The following VENTX variants were observed in gnomAD, a reference collection of about 807,000 sequenced individuals.
The protein encoded by VENTX is homeobox protein VENTX.
A neutral mutation model predicts 10.5 loss-of-function variants in VENTX; 13 were observed. The ratio of observed to expected loss-of-function variants is 1.23; its 90% confidence interval spans 0.80 to 1.96. The LOEUF is 1.96. Among genes scored for constraint, VENTX ranks in the 30% most tolerant of loss-of-function variants. The probability of loss-of-function intolerance (pLI) is 0.00; values close to 1 mark genes in which losing one functional copy is unlikely to be tolerated. For missense variants in VENTX, 400 were observed against 341.8 expected, an observed-to-expected ratio of 1.17 and a Z score of -1.34; for synonymous variants, 177 against 150.4, an observed-to-expected ratio of 1.18 and a Z score of -1.29.
chr10:133,239,413 G>A (rs1845896627), intron 1 of VENTX, among the ~76,000 whole-genome samples: 1 of 152,236 alleles, frequency 6.6e-6, no homozygotes, highest in Non-Finnish European at 1.5e-5. Flanking sequence ...TGGAAGGGAA[G>A]TGTGGGATGG....
chr10:133,238,116 G>A lies in VENTX; in HGVS notation c.202G>A (p.Gly68Arg), dbSNP rs755576661. The A allele has an allele frequency of 1.9e-6, 3 of 1,603,632 alleles. No homozygotes were observed. Among genetic ancestry groups the A allele is most frequent in the Admixed American group, 1.7e-5 (1 of 58,928 alleles). Residue 68 changes from glycine to arginine, a missense_variant, in exon 1 of 3, where the codon GGG becomes AGG. Transcript: ENST00000325980. ...GGCCGTCAGCATCAAGGAGGCCGCC[G>A]GGTCCTCAAATCTGCCTGCGCCGGA... ...PQAVSIKEAA[G>R]SSNLPAPERT...
chr10:133,238,894 T>C (rs897859573), intron 1 of VENTX, among the ~76,000 whole-genome samples: 1 of 152,168 alleles, frequency 6.6e-6, no homozygotes, highest in Non-Finnish European at 1.5e-5. Context: ...AAAATTTAAA[T>C]GTATTCTCCC....
chr10:133,239,908 G>GTTCTGATCTTGCTT (rs1392178575), intron 2 of VENTX, 24 bp from the exon 3 acceptor site: 2 of 1,610,450 alleles, frequency 1.2e-6, no homozygotes, highest in African/African-American at 1.3e-5. Context: ...TCTCACCCCT[G>GTTCTGATCTTGCTT]TTCTGATCTT....
At position 133,240,039 on chromosome 10, in the gene VENTX, C is replaced by T. The variant is rs1282779090; in HGVS notation, c.510C>T (p.Tyr170=). 4 of 1,611,926 alleles carry T rather than the reference C, an allele frequency of 2.5e-6. No individual in the cohort carries two copies. Among genetic ancestry groups the T allele is most frequent in the Admixed American group, 3.3e-5 (2 of 60,008 alleles). The change falls in exon 3 of 3, where the codon TAC becomes TAT. Residue 170 remains tyrosine (Y), a synonymous_variant. Coordinates refer to ENST00000325980, the MANE Select transcript of VENTX (RefSeq NM_014468.4). ...CTCTCCATGCGCCCCCAGCTTTCTA[C>T]TCAACGTCTTCTGGCCTTGCCAATG... is the stretch of plus-strand genomic sequence containing the variant. ...SGSLHAPPAF[Y]STSSGLANGL...
In VENTX at chr10:133,241,736, T is replaced by C. The variant is rs1353988246; in HGVS notation, c.*1430T>C. On this transcript the variant is annotated 3_prime_UTR_variant, in exon 3 of 3. Transcript: ENST00000325980. ...GTTGTAAGTGTTTACAACTGGCATG[T>C]GCTTTTAAACGTCAGGTAAGAGGGG... 1 of 152,252 alleles carries C rather than the reference T, an allele frequency of 6.6e-6. No individual in the cohort carries two copies. Among genetic ancestry groups the C allele is most frequent in the African/African-American group, 2.4e-5 (1 of 41,464 alleles). The allele number at this position is 152,252 out of a possible 1,614,324, so 9.4% of individuals were successfully genotyped here. A position where few individuals can be genotyped will look rare whatever the true frequency, so the allele number is the denominator to read the frequency against.
Position 133,238,166 on chromosome 10 carries a change from G to GT in VENTX, c.241+12dup. ...AGAGGACCATGGCCGGTAGGTCCGG[G>GT]TGGGGGGGGTCCCTTCCTTCCCAGG... is the stretch of plus-strand genomic sequence containing the variant. On this transcript the variant is annotated intron_variant, in intron 1 of 2. Coordinates refer to ENST00000325980, the MANE Select transcript of VENTX (RefSeq NM_014468.4). 1 of 1,577,864 alleles carries GT rather than the reference G, an allele frequency of 6.3e-7. No individual in the cohort carries two copies. The highest frequency in any genetic ancestry group is 1.2e-5 in the South Asian group (1 of 86,322).
chr10:133,238,233 C>T, intron 1 of VENTX, 78 bp downstream of exon 1: 1 of 1,469,338 alleles, frequency 6.8e-7, no homozygotes, highest in Non-Finnish European at 9.0e-7. Flanking sequence ...CCGGCGGCTG[C>T]ACTCCCCGCG....
Position 133,240,405 on chromosome 10 carries a change from C to T in VENTX, c.*99C>T. The T allele has an allele frequency of 7.2e-7, 1 of 1,386,570 alleles. No homozygotes were observed. Among genetic ancestry groups the T allele is most frequent in the East Asian group, 2.5e-5 (1 of 40,244 alleles). 85.9% of individuals were successfully genotyped at this position (1,386,570 alleles called of 1,614,324 possible). A position where few individuals can be genotyped will look rare whatever the true frequency, so the allele number is the denominator to read the frequency against. On this transcript the variant is annotated 3_prime_UTR_variant, in exon 3 of 3. Coordinates refer to ENST00000325980, the MANE Select transcript of VENTX (RefSeq NM_014468.4). ...CTGTTTACATCCTGGTGGCACCTCT[C>T]ACCCTGACCCACACAAAGGTTCTGG...
chr10:133,239,808 C>T lies in VENTX; in HGVS notation c.374C>T (p.Ala125Val), dbSNP rs1845905517. The change falls in exon 2 of 3, where the codon GCC becomes GTC. Residue 125 changes from alanine (A) to valine (V), a missense_variant. Transcript: ENST00000325980. ...YLSPLERKRL[A>V]REMQLSEVQI... Reference sequence around the variant, plus strand: ...AGCCCTCTGGAGCGGAAGAGGCTGGCCAGGGAGATGCAGCTCTCAGAGGTC... The same window carrying T: ...AGCCCTCTGGAGCGGAAGAGGCTGGTCAGGGAGATGCAGCTCTCAGAGGTC... 6.2e-7 allele frequency: 1 copy of T among 1,611,502 alleles called. No individual in the cohort carries two copies. Among genetic ancestry groups the T allele is most frequent in the Non-Finnish European group, 8.5e-7 (1 of 1,179,922 alleles).
intron 1 of VENTX, 59 bp from the exon 2 acceptor site, chr10:133,239,617 G>A (rs1199928735): frequency 2.5e-6 from 4 of 1,592,928 alleles, no homozygotes; most frequent in Non-Finnish European, 3.4e-6. Flanking sequence ...TTACCCGTGG[G>A]CACGAGCTTG....
Position 133,240,036 on chromosome 10 carries a change from C to T in VENTX, c.507C>T (p.Phe169=). The change falls in exon 3 of 3, where the codon TTC becomes TTT. Residue 169 remains phenylalanine, a synonymous_variant. Transcript: ENST00000325980. The part of the protein sequence containing the change: ...FSGSLHAPPA[F]YSTSSGLANG... ...GGTCTCTCCATGCGCCCCCAGCTTTCTACTCAACGTCTTCTGGCCTTGCCA... is the reference window on the plus strand; with the variant it reads ...GGTCTCTCCATGCGCCCCCAGCTTTTTACTCAACGTCTTCTGGCCTTGCCA... 1 of 1,612,070 alleles carries T rather than the reference C, an allele frequency of 6.2e-7. No individual in the cohort carries two copies. The highest frequency in any genetic ancestry group is 8.5e-7 in the Non-Finnish European group (1 of 1,180,034).
chr10:133,239,735 G>A lies in VENTX; in HGVS notation c.301G>A (p.Glu101Lys), dbSNP rs2270192. ...CCGTGTCCGCACAGCCTTCACCATG[G>A]AGCAGGTCCGCACCTTGGAGGGCGT... ...APRVRTAFTM[E>K]QVRTLEGVFQ... is the part of the protein sequence containing the mutation. Residue 101 changes from glutamate to lysine, a missense_variant, in exon 2 of 3, where the codon GAG becomes AAG. By Grantham distance (56) the Glu-to-Lys change is moderately conservative. Transcript: ENST00000325980. 583 of 1,611,230 alleles carry A rather than the reference G, an allele frequency of 3.6e-4. 8 individuals are homozygous for A. The East Asian group carries it at 0.013, about 36-fold the overall frequency.
chr10:133,238,922 C>A (rs1845890839), intron 1 of VENTX, among the ~76,000 whole-genome samples: 1 of 152,196 alleles, frequency 6.6e-6, no homozygotes, highest in African/African-American at 2.4e-5. Context: ...CTATCCTGCC[C>A]CACCCCAAAA....
In VENTX at chr10:133,240,401, C is replaced by T. The variant is rs569932236; in HGVS notation, c.*95C>T. 4 of 1,427,480 alleles carry T rather than the reference C, an allele frequency of 2.8e-6. No homozygotes were observed. Among genetic ancestry groups the T allele is most frequent in the African/African-American group, 2.9e-5 (2 of 69,580 alleles). The allele number at this position is 1,427,480 out of a possible 1,614,324, so 88.4% of individuals were successfully genotyped here. A position where few individuals can be genotyped will look rare whatever the true frequency, so the allele number is the denominator to read the frequency against. On this transcript the variant is annotated 3_prime_UTR_variant, in exon 3 of 3. Transcript: ENST00000325980. ...TGTTCTGTTTACATCCTGGTGGCAC[C>T]TCTCACCCTGACCCACACAAAGGTT...
intron 1 of VENTX, among the ~76,000 whole-genome samples, chr10:133,239,442 G>A (rs1311666022): frequency 1.3e-5 from 2 of 152,244 alleles, no homozygotes; most frequent in Non-Finnish European, 2.9e-5. Context: ...TGAGTGGACT[G>A]AGCGGAGGGC....
rs1387905071 is a variant in VENTX, at chr10:133,237,945, C to A, written c.31C>A (p.Pro11Thr). 1.3e-6 allele frequency: 2 copies of A among 1,596,838 alleles called. No individual in the cohort carries two copies. Among genetic ancestry groups the A allele is most frequent in the Admixed American group, 3.4e-5 (2 of 59,562 alleles). The change falls in exon 1 of 3, where the codon CCG becomes ACG. Residue 11 changes from proline (P) to threonine (T), a missense_variant. Coordinates refer to ENST00000325980, the MANE Select transcript of VENTX (RefSeq NM_014468.4). MRLSSSPPRGPQQLSSFGSVD... is the reference protein window; with the variant it reads MRLSSSPPRGTQQLSSFGSVD... ...CCTCTCCTCCTCCCCACCTCGTGGCCCGCAGCAGCTCTCCAGCTTTGGCTC... is the reference window on the plus strand; with the variant it reads ...CCTCTCCTCCTCCCCACCTCGTGGCACGCAGCAGCTCTCCAGCTTTGGCTC...
In VENTX at chr10:133,241,754, AAG is replaced by A. The variant is rs753584836; in HGVS notation, c.*1451_*1452del. 3 of 152,252 alleles carry A rather than the reference AAG, an allele frequency of 2.0e-5. No homozygotes were observed. Among genetic ancestry groups the A allele is most frequent in the Non-Finnish European group, 4.4e-5 (3 of 68,040 alleles). 9.4% of individuals were successfully genotyped at this position (152,252 alleles called of 1,614,324 possible). A position where few individuals can be genotyped will look rare whatever the true frequency, so the allele number is the denominator to read the frequency against. On this transcript the variant is annotated 3_prime_UTR_variant, in exon 3 of 3. Transcript: ENST00000325980. ...TGGCATGTGCTTTTAAACGTCAGGT[AAG>A]AGGGGAACAGCTGCTGTACATCGTC...
At chr10:133,239,040 T>C (rs768689563) in intron 1 of VENTX, among the ~76,000 whole-genome samples, 3 of 152,246 alleles carry the variant, frequency 2.0e-5, no homozygotes, top group Non-Finnish European at 4.4e-5. Flanking sequence ...CAGGCTAACG[T>C]TAAGACAGAT....
chr10:133,238,859 A>C (rs1004866753), intron 1 of VENTX, among the ~76,000 whole-genome samples: 2 of 152,188 alleles, frequency 1.3e-5, no homozygotes, highest in African/African-American at 4.8e-5. Flanking sequence ...ATCCTTATGG[A>C]GTGACTTTGT....
Sources: gnomAD v4.1 joint callset for allele counts (sites outside exome capture counted in the v4.1 genomes callset) on GRCh38, gnomAD v4.1.1 for gene constraint, MANE v1.5 for transcripts, NCBI Gene and HGNC (gene_info 2026-07-23, HGNC 2026-07-21) for gene names.